The following SEMA5A variants were observed in gnomAD, a reference collection of about 807,000 sequenced individuals.
The protein encoded by SEMA5A is semaphorin 5A, also known as semaphorin-5A.
A neutral mutation model predicts 135.5 loss-of-function variants in SEMA5A; 55 were observed. That is an observed-to-expected ratio of 0.41 (90% CI 0.33 to 0.51). The LOEUF (loss-of-function observed/expected upper bound fraction) is 0.51. SEMA5A is among the 20% of genes least tolerant of loss of function. The pLI is 0.37. For synonymous variants in SEMA5A, 580 were observed against 546.5 expected, an observed-to-expected ratio of 1.06 and a Z score of -0.85; for missense variants, 1,290 against 1,419.9, an observed-to-expected ratio of 0.91 and a Z score of 1.47.
At chr5:9,429,530 A>C (rs1371115937) in intron 2 of SEMA5A, among the ~76,000 whole-genome samples, 1 of 152,228 alleles carries the variant, frequency 6.6e-6, no homozygotes, top group Non-Finnish European at 1.5e-5. Flanking sequence ...GACAGTGCTA[A>C]GTTCTTTACA....
At chr5:9,522,071 T>C (rs1367492423) in intron 1 of SEMA5A, among the ~76,000 whole-genome samples, 1 of 152,120 alleles carries the variant, frequency 6.6e-6, no homozygotes, top group African/African-American at 2.4e-5. Flanking sequence ...CCTGCATGGA[T>C]TGAACTTAGC....
intron 1 of SEMA5A, among the ~76,000 whole-genome samples, chr5:9,449,697 C>T (rs1465714760): frequency 6.6e-6 from 1 of 152,070 alleles, no homozygotes; most frequent in Admixed American, 6.5e-5. Context: ...GTCAAAATCA[C>T]CCAAAAATGC....
At chr5:9,395,965 G>T (rs954684292) in intron 2 of SEMA5A, among the ~76,000 whole-genome samples, 6 of 152,224 alleles carry the variant, frequency 3.9e-5, no homozygotes, top group Admixed American at 3.3e-4. Flanking sequence ...CATTCTGGAA[G>T]GTCAGATGTT....
At chr5:9,073,951 C>G (rs1026666504) in intron 16 of SEMA5A, among the ~76,000 whole-genome samples, 1 of 152,020 alleles carries the variant, frequency 6.6e-6, no homozygotes, top group Non-Finnish European at 1.5e-5. Flanking sequence ...CACTACAATC[C>G]TAATTATAAT....
intron 1 of SEMA5A, among the ~76,000 whole-genome samples, chr5:9,500,418 C>T (rs3777364): frequency 0.1 from 15,310 of 152,164 alleles, 1,010 homozygotes; most frequent in Non-Finnish European, 0.13. Flanking sequence ...AGCAAACCTT[C>T]CAACGGTTTT....
chr5:9,525,579 G>T (rs940509981), intron 1 of SEMA5A, among the ~76,000 whole-genome samples: 1 of 152,210 alleles, frequency 6.6e-6, no homozygotes, highest in South Asian at 2.1e-4. Flanking sequence ...AGGAGCACTT[G>T]TCTCTCGGAG....
At chr5:9,302,603 C>T (rs915749772) in intron 5 of SEMA5A, among the ~76,000 whole-genome samples, 3 of 152,278 alleles carry the variant, frequency 2.0e-5, no homozygotes, top group Admixed American at 6.5e-5. Flanking sequence ...TGCAAATATG[C>T]AATGTTCATC....
chr5:9,431,186 G>A (rs35723145), intron 2 of SEMA5A, among the ~76,000 whole-genome samples: 6,300 of 152,162 alleles, frequency 0.041, 187 homozygotes, highest in Middle Eastern at 0.17. Context: ...GGCCTGCAAT[G>A]AAGAAAAGAG....
intron 4 of SEMA5A, among the ~76,000 whole-genome samples, chr5:9,332,472 T>C (rs1280088701): frequency 1.3e-5 from 2 of 151,120 alleles, no homozygotes; most frequent in Non-Finnish European, 2.9e-5. Flanking sequence ...CATGCAGCTA[T>C]AGGCTGGTAC....
At chr5:9,139,130 G>T (rs1045663996) in intron 12 of SEMA5A, among the ~76,000 whole-genome samples, 3 of 152,146 alleles carry the variant, frequency 2.0e-5, no homozygotes, top group Non-Finnish European at 4.4e-5. Flanking sequence ...GGGATTGCTG[G>T]ATCAAATGGT....
At chr5:9,543,814 C>T (rs1738223794) in intron 1 of SEMA5A, among the ~76,000 whole-genome samples, 3 of 142,978 alleles carry the variant, frequency 2.1e-5, no homozygotes, top group African/African-American at 7.9e-5. Flanking sequence ...CAAACAATTA[C>T]ACTTAGGGCT....
intron 1 of SEMA5A, among the ~76,000 whole-genome samples, chr5:9,509,316 C>T (rs1037629933): frequency 1.3e-5 from 2 of 151,854 alleles, no homozygotes; most frequent in African/African-American, 4.8e-5. Context: ...CTCTTGTTGC[C>T]CAGGCTGGAG....
At chr5:9,367,510 A>C (rs1222987430) in intron 3 of SEMA5A, 1 of 152,200 alleles carries the variant, frequency 6.6e-6, no homozygotes, top group Non-Finnish European at 1.5e-5. Flanking sequence ...TATTTTTATC[A>C]CTTAAATTCA....
intron 16 of SEMA5A, among the ~76,000 whole-genome samples, chr5:9,103,844 A>G (rs1373348357): frequency 6.6e-6 from 1 of 152,196 alleles, no homozygotes; most frequent in Admixed American, 6.5e-5. Context: ...CAAAATGTAG[A>G]GTTAAGATTT....
intron 3 of SEMA5A, among the ~76,000 whole-genome samples, chr5:9,353,312 GGGAAAGGAA>G (rs151164231): frequency 0.14 from 8,741 of 61,656 alleles, 30 homozygotes; most frequent in South Asian, 0.21. Context: ...GGGAAGGGAA[GGGAAAGGAA>G]GGAAAGGAAA....
chr5:9,173,846 T>C (rs1744062502), intron 11 of SEMA5A, among the ~76,000 whole-genome samples: 1 of 152,240 alleles, frequency 6.6e-6, no homozygotes, highest in South Asian at 2.1e-4. Context: ...AGGAACAGCA[T>C]TGCCCCTAGG....
At chr5:9,540,262 G>C (rs969787705) in intron 1 of SEMA5A, among the ~76,000 whole-genome samples, 2 of 152,124 alleles carry the variant, frequency 1.3e-5, no homozygotes, top group Admixed American at 1.3e-4. Flanking sequence ...AAGACTTTAA[G>C]AAATAAAGGC....
chr5:9,226,007 C>T (rs962577213), intron 7 of SEMA5A, among the ~76,000 whole-genome samples: 5 of 152,096 alleles, frequency 3.3e-5, no homozygotes, highest in East Asian at 1.9e-4. Flanking sequence ...CAAAGAGTAG[C>T]GATCTTGTGG....
At chr5:9,519,303 T>C (rs1164856180) in intron 1 of SEMA5A, among the ~76,000 whole-genome samples, 1 of 152,228 alleles carries the variant, frequency 6.6e-6, no homozygotes, top group Non-Finnish European at 1.5e-5. Context: ...TTGGCACTCA[T>C]AACACATTGT....
Sources: allele counts gnomAD v4.1 joint callset (sites outside exome capture counted in the v4.1 genomes callset), GRCh38; gene constraint gnomAD v4.1.1; transcripts MANE v1.5; gene names NCBI Gene and HGNC (gene_info 2026-07-23, HGNC 2026-07-21).